The following PLXNB3 variants were observed in gnomAD, a reference collection of about 807,000 sequenced individuals.
PLXNB3 encodes the protein plexin B3, also known as plexin-B3.
A neutral mutation model predicts 125.7 loss-of-function variants in PLXNB3; 80 were observed. The observed-to-expected ratio is 0.64, with a 90% CI of 0.53 to 0.77. PLXNB3 has a LOEUF of 0.77. PLXNB3 is among the 30% of genes least tolerant of loss of function. The pLI, the probability that PLXNB3 is intolerant of heterozygous loss-of-function variation, is 0.00. For missense variants in PLXNB3, 1,836 were observed against 1,729.3 expected (o/e 1.06, Z -1.09); for synonymous variants, 954 against 783.3 (o/e 1.22, Z -3.64).
chrX:153,774,673 G>A, intron 22 of PLXNB3, 33 bp from the exon 23 acceptor site: 1 of 1,151,137 alleles, frequency 8.7e-7, no homozygotes, highest in Non-Finnish European at 1.2e-6. Context: ...GCTGGCCCCG[G>A]CCCTGGCTGA....
rs1356969084 is a variant in PLXNB3 at position 153,778,644 on chromosome X, C to G, written c.5595C>G (p.Leu1865=). The change falls in exon 35 of 36, where the codon CTC becomes CTG. Residue 1865 remains leucine (L), a synonymous_variant. Coordinates refer to ENST00000361971, the MANE Select transcript of PLXNB3 (RefSeq NM_005393.3). ...APHCLEALQE[L]YNHIHRYYDQ... ...ACTGTCTGGAGGCTCTGCAAGAACT[C>G]TACAACCACATCCACAGGTACTATG... is the stretch of plus-strand genomic sequence containing the variant. 8.3e-7 allele frequency: 1 copy of G among 1,204,798 alleles called. No homozygotes were observed. Among genetic ancestry groups the G allele is most frequent in the Non-Finnish European group, 1.1e-6 (1 of 891,775 alleles).
rs1557061551 is a variant in PLXNB3 at position 153,770,857 on chromosome X, C to T, written c.2110C>T (p.Arg704Cys). The T allele has an allele frequency of 5.8e-6, 7 of 1,208,073 alleles. No individual in the cohort carries two copies. Among genetic ancestry groups the T allele is most frequent in the East Asian group, 3.0e-5 (1 of 33,762 alleles). Reference sequence around the variant, plus strand: ...GGGCTGGGAGAGCCATTTGGCCCTACGCGTGCGGAACCTTCAACATTTCCG... The same window carrying T: ...GGGCTGGGAGAGCCATTTGGCCCTATGCGTGCGGAACCTTCAACATTTCCG... ...PVGWESHLAL[R>C]VRNLQHFRGL... The change falls in exon 11 of 36, where the codon CGC (arginine) becomes TGC (cysteine). Residue 704 changes from arginine (R) to cysteine (C), a missense_variant. Transcript: ENST00000361971.
rs374119831 is a variant in PLXNB3, at chrX:153,774,922, G to A, written c.3974G>A (p.Gly1325Asp). ...EMTDLSSDLE[G>D]SGIPFLDYRT... ...ACCGACCTCAGCAGCGACCTGGAGG[G>A]CAGCGGGATCCCCTTCCTGGACTAC... Residue 1325 changes from glycine to aspartate, a missense_variant, in exon 24 of 36, where the codon GGC becomes GAC. Gly to Asp is a moderately conservative substitution (Grantham distance 94). Transcript: ENST00000361971. 27 of 1,189,042 alleles carry A rather than the reference G, an allele frequency of 2.3e-5. No individual in the cohort carries two copies. The highest frequency in any genetic ancestry group is 3.1e-5 in the Non-Finnish European group (27 of 882,851).
chrX:153,773,174 G>A (rs1208582186), intron 17 of PLXNB3, 56 bp from the exon 18 acceptor site: 1 of 1,136,677 alleles, frequency 8.8e-7, no homozygotes, highest in Non-Finnish European at 1.2e-6. Flanking sequence ...TTGGGCCAGG[G>A]CTGGGGTAGA....
Position 153,770,131 on chromosome X carries a change from G to C in PLXNB3, c.1669G>C (p.Asp557His), listed in dbSNP as rs1055646249. 2 of 1,211,661 alleles carry C rather than the reference G, an allele frequency of 1.7e-6. No individual in the cohort carries two copies. The highest frequency in any genetic ancestry group is 3.0e-5 in the East Asian group (1 of 33,873). The change falls in exon 8 of 36, where the codon GAT becomes CAT. Residue 557 changes from aspartate to histidine, a missense_variant. Asp to His is a moderately conservative substitution (Grantham distance 81, BLOSUM62 -1). Transcript: ENST00000361971. Reference protein sequence around the residue: ...SVPRLPILDADEYFHCAFGDY... With the variant: ...SVPRLPILDAHEYFHCAFGDY... ...CCCCCGGCTGCCCATCCTGGATGCA[G>C]ATGAATACTTCCATTGTGCGTTCGG...
intron 2 of PLXNB3, chrX:153,765,839 A>G (rs2091851593): frequency 4.0e-6 from 3 of 752,787 alleles, no homozygotes; most frequent in Non-Finnish European, 3.1e-6. Flanking sequence ...GTGACCACAC[A>G]CCCAGGGCAG....
rs1557062269 is a variant in PLXNB3 at position 153,772,293 on chromosome X, T to C, written c.2775+6T>C. ...GCCAGCACTTCACCTACCAGGTCAG[T>C]GGCCTCCCAGGTGTGCCCTACGCAG... On this transcript the variant is annotated splice_donor_region_variant and intron_variant, in intron 16 of 35. Transcript: ENST00000361971. 8.6e-7 allele frequency: 1 copy of C among 1,169,363 alleles called. No individual in the cohort carries two copies. The highest frequency in any genetic ancestry group is 3.0e-5 in the East Asian group (1 of 33,639).
chrX:153,771,431 G>A (rs2091928537), intron 13 of PLXNB3, 28 bp downstream of exon 13: 9 of 1,206,529 alleles, frequency 7.5e-6, no homozygotes, highest in South Asian at 1.8e-5. Context: ...CAGGCAGGCG[G>A]GGCAGGGTGG....
At position 153,767,651 on chromosome X, in the gene PLXNB3, C is replaced by G; in HGVS notation, c.824C>G (p.Ser275Cys). 1 of 1,196,271 alleles carries G rather than the reference C, an allele frequency of 8.4e-7. No homozygotes were observed. The highest frequency in any genetic ancestry group is 1.1e-6 in the Non-Finnish European group (1 of 887,799). The change falls in exon 3 of 36, where the codon TCC (serine) becomes TGC (cysteine). Residue 275 changes from serine (S) to cysteine (C), a missense_variant. Transcript: ENST00000361971. ...RVCLGDTNLYSYVEVPLACQG... is the reference protein window; with the variant it reads ...RVCLGDTNLYCYVEVPLACQG... The stretch of plus-strand genomic sequence containing the variant: ...TGCCTGGGGGACACCAACCTGTACT[C>G]CTACGTGGAGGTCCCCCTCGCCTGC...
chrX:153,766,958 C>T lies in PLXNB3; in HGVS notation c.131C>T (p.Ala44Val), dbSNP rs2091865488. 8.3e-7 allele frequency: 1 copy of T among 1,210,637 alleles called. No individual in the cohort carries two copies. Among genetic ancestry groups the T allele is most frequent in the South Asian group, 1.8e-5 (1 of 56,996 alleles). The stretch of plus-strand genomic sequence containing the variant: ...CCACCGCCACTGCCCTTGACAGGGG[C>T]CCATCGCTTCTCCGCACCTAATACC... ...LSPPPLPLTG[A>V]HRFSAPNTTL... Residue 44 changes from alanine to valine, a missense_variant, in exon 3 of 36, where the codon GCC (alanine) becomes GTC (valine). Ala to Val is a moderately conservative substitution (Grantham distance 64, BLOSUM62 0). Transcript: ENST00000361971.
At position 153,769,155 on chromosome X, in the gene PLXNB3, C is replaced by T; in HGVS notation, c.1396-7C>T. Reference sequence around the variant, plus strand: ...CCCATTGCCTCTCTGCTCTGCTGCCCCTCCAGGTGGACCGGATACCTGTGG... The same window carrying T: ...CCCATTGCCTCTCTGCTCTGCTGCCTCTCCAGGTGGACCGGATACCTGTGG... On this transcript the variant is annotated splice_region_variant and splice_polypyrimidine_tract_variant and intron_variant, in intron 5 of 35. Coordinates refer to ENST00000361971, the MANE Select transcript of PLXNB3 (RefSeq NM_005393.3). The T allele has an allele frequency of 2.5e-6, 3 of 1,194,423 alleles. No individual in the cohort carries two copies. The highest frequency in any genetic ancestry group is 1.8e-5 in the South Asian group (1 of 54,994).
intron 16 of PLXNB3, 50 bp downstream of exon 16, chrX:153,772,337 G>C: frequency 1.1e-6 from 1 of 943,704 alleles, no homozygotes; most frequent in Non-Finnish European, 1.5e-6. Flanking sequence ...AGGAGGGAGG[G>C]CCAGGAAGGA....
At chrX:153,769,720 GCTGGGCCGGCCTCCCCAGGCCC>G (rs1557060850) in intron 6 of PLXNB3, 65 bp from the exon 7 acceptor site, 6 of 1,014,371 alleles carry the variant, frequency 5.9e-6, no homozygotes, top group South Asian at 4.6e-5. Flanking sequence ...CTGCACTCCA[GCTGGGCCGGCCTCCCCAGGCCC>G]CTGTTGCCGG....
Position 153,771,939 on chromosome X carries a change from G to A in PLXNB3, c.2593G>A (p.Ala865Thr), listed in dbSNP as rs201993079. 3.5e-5 allele frequency: 42 copies of A among 1,208,640 alleles called. No homozygotes were observed. The highest frequency in any genetic ancestry group is 1.5e-4 in the East Asian group (5 of 33,787). The part of the protein sequence containing the change: ...ILGSNLGRAF[A>T]DVQYAVSVAS... ...GGGCTCCAACCTGGGCCGGGCCTTC[G>A]CCGATGTGCAGTACGCCGTGAGCGT... Residue 865 changes from alanine to threonine, a missense_variant, in exon 15 of 36, where the codon GCC (alanine) becomes ACC (threonine). Physicochemically the swap from Ala to Thr is moderately conservative, Grantham distance 58 (BLOSUM62 0). Transcript: ENST00000361971.
At chrX:153,777,101 CCTTT>C (rs1358743561) in intron 29 of PLXNB3, 103 bp from the exon 30 acceptor site, 3 of 1,027,979 alleles carry the variant, frequency 2.9e-6, no homozygotes, top group Non-Finnish European at 2.6e-6. Context: ...CCATCTCCTT[CCTTT>C]CTTCCAGTCC....
rs781970854 is a variant in PLXNB3, at chrX:153,776,411, C to G, written c.4785C>G (p.Ser1595=). ...HLTLSDEDLT[S]VTQNHWKRLN... ...CCCTATCGGACGAAGACTTGACCTC[C>G]GTGACCCAAAACCACTGGAAGAGAC... Residue 1595 remains serine, a synonymous_variant, in exon 28 of 36, where the codon TCC becomes TCG. Coordinates refer to ENST00000361971, the MANE Select transcript of PLXNB3 (RefSeq NM_005393.3). 1 of 1,188,653 alleles carries G rather than the reference C, an allele frequency of 8.4e-7. No homozygotes were observed. The highest frequency in any genetic ancestry group is 3.0e-5 in the East Asian group (1 of 33,263).
intron 1 of PLXNB3, 113 bp from the exon 2 acceptor site, chrX:153,765,358 C>T (rs995709888): frequency 1.9e-6 from 1 of 532,804 alleles, no homozygotes; most frequent in Non-Finnish European, 3.1e-6. Flanking sequence ...GACAAAGCTG[C>T]CAGCTGTGAG....
At chrX:153,778,233 C>T in intron 32 of PLXNB3, 28 bp from the exon 33 acceptor site, 1 of 1,199,668 alleles carries the variant, frequency 8.3e-7, no homozygotes. Flanking sequence ...CGAGCTCATG[C>T]CTAGCGCCTC....
intron 34 of PLXNB3, 37 bp downstream of exon 34, chrX:153,778,508 T>C (rs782398652): frequency 3.2e-5 from 38 of 1,186,950 alleles, no homozygotes; most frequent in Non-Finnish European, 4.2e-5. Context: ...TGTCCACACG[T>C]GGGTGGAAAG....
Sources: gnomAD v4.1 joint callset for allele counts on GRCh38, gnomAD v4.1.1 for gene constraint, MANE v1.5 for transcripts, NCBI Gene and HGNC (gene_info 2026-07-23, HGNC 2026-07-21) for gene names.